Variants in ZNF644 observed in about 807,000 individuals in gnomAD.
ZNF644 encodes zinc finger protein 644.
ZNF644 carries 20 observed loss-of-function variants against 108.0 expected under a neutral mutation model. The observed-to-expected ratio is 0.19, with a 90% confidence interval of 0.13 to 0.27. The LOEUF (loss-of-function observed/expected upper bound fraction) is 0.27, where lower values mean the gene tolerates loss of function less well. Ranked by LOEUF, ZNF644 falls within the 10% of genes least tolerant of loss-of-function variation. ZNF644 has a pLI of 1.00. For synonymous variants in ZNF644, 542 were observed against 539.1 expected (o/e 1.01, Z -0.08); for missense variants, 1,338 against 1,548.9 (o/e 0.86, Z 2.29).
intron 1 of ZNF644, among the ~76,000 whole-genome samples, chr1:91,011,387 ATTC>A (rs1659948705): frequency 6.6e-6 from 1 of 152,208 alleles, no homozygotes; most frequent in Non-Finnish European, 1.5e-5. Context: ...TTACATATTC[ATTC>A]TTCAAAACCA....
chr1:90,985,484 T>A (rs1657002554), intron 1 of ZNF644, among the ~76,000 whole-genome samples: 2 of 152,184 alleles, frequency 1.3e-5, no homozygotes, highest in South Asian at 4.1e-4. Context: ...CAGCCTCAGG[T>A]AAACACCATT....
chr1:90,983,464 A>C (rs192601054), intron 1 of ZNF644, among the ~76,000 whole-genome samples: 7 of 151,214 alleles, frequency 4.6e-5, no homozygotes, highest in South Asian at 2.1e-4. Context: ...GAAATCTGAC[A>C]ATGTTACCTC....
At chr1:90,934,254 G>A (rs1334649237) in intron 4 of ZNF644, among the ~76,000 whole-genome samples, 1 of 152,128 alleles carries the variant, frequency 6.6e-6, no homozygotes, top group African/African-American at 2.4e-5. Flanking sequence ...AGTTAAGGAA[G>A]AATGCAAAGA....
intron 1 of ZNF644, among the ~76,000 whole-genome samples, chr1:90,997,960 G>A (rs967465073): frequency 6.6e-6 from 1 of 152,226 alleles, no homozygotes; most frequent in Non-Finnish European, 1.5e-5. Flanking sequence ...TAGCACAGCA[G>A]TCTGAGATCG....
At chr1:90,965,374 T>C (rs1238441986) in intron 2 of ZNF644, among the ~76,000 whole-genome samples, 1 of 152,088 alleles carries the variant, frequency 6.6e-6, no homozygotes, top group African/African-American at 2.4e-5. Flanking sequence ...GGTATCCAAA[T>C]TTCTCCTTTT....
At chr1:90,944,626 G>A (rs1486233747) in intron 2 of ZNF644, among the ~76,000 whole-genome samples, 2 of 151,086 alleles carry the variant, frequency 1.3e-5, no homozygotes, top group East Asian at 3.9e-4. Context: ...ATTCTGATTA[G>A]ATACAACCTT....
intron 2 of ZNF644, among the ~76,000 whole-genome samples, chr1:90,944,001 T>G (rs1259058956): frequency 6.6e-6 from 1 of 152,178 alleles, no homozygotes; most frequent in Non-Finnish European, 1.5e-5. Flanking sequence ...ATCACAGAGG[T>G]GGACAAATAT....
intron 4 of ZNF644, among the ~76,000 whole-genome samples, chr1:90,927,804 C>G (rs1393282404): frequency 6.6e-6 from 1 of 151,838 alleles, no homozygotes; most frequent in African/African-American, 2.4e-5. Flanking sequence ...TCTCTCTCTG[C>G]CCTCCCTCTC....
chr1:90,958,654 A>AAAT (rs1429964715), intron 2 of ZNF644, among the ~76,000 whole-genome samples: 1 of 152,194 alleles, frequency 6.6e-6, no homozygotes, highest in Non-Finnish European at 1.5e-5. Context: ...AAGAGTCCAG[A>AAAT]AATAAGCCCA....
intron 1 of ZNF644, among the ~76,000 whole-genome samples, chr1:91,013,120 T>C (rs1660112287): frequency 1.3e-5 from 2 of 152,032 alleles, no homozygotes; most frequent in African/African-American, 4.8e-5. Context: ...GTCGCCCAGG[T>C]GGGGATGCAG....
chr1:91,007,735 T>C (rs549889215), intron 1 of ZNF644, among the ~76,000 whole-genome samples: 1 of 152,322 alleles, frequency 6.6e-6, no homozygotes, highest in South Asian at 2.1e-4. Flanking sequence ...TGCTTTTTCA[T>C]AGCATCCTTT....
Position 90,940,623 on chromosome 1 carries a change from A to C in ZNF644, c.731T>G (p.Ile244Ser). Residue 244 changes from isoleucine to serine, a missense_variant, in exon 3 of 6, where the codon ATT (isoleucine) becomes AGT (serine). Ile to Ser is a moderately radical substitution (Grantham distance 142). Around this residue, in one of 6 missense-constraint regions of ZNF644, gnomAD observed 464 missense variants for 457.9 expected, o/e 1.01. Coordinates refer to ENST00000337393, the MANE Select transcript of ZNF644 (RefSeq NM_201269.3). ...KDDCVNTVTG[I>S]SSGTDGFRSE... ...CCTAAATCCATCTGTACCTGAGGAA[A>C]TTCCCGTTACTGTATTGACACAATC... 1 of 1,613,986 alleles carries C rather than the reference A, an allele frequency of 6.2e-7. No homozygotes were observed. The highest frequency in any genetic ancestry group is 8.5e-7 in the Non-Finnish European group (1 of 1,179,962).
At chr1:90,932,413 T>C (rs985850280) in intron 4 of ZNF644, among the ~76,000 whole-genome samples, 7 of 152,222 alleles carry the variant, frequency 4.6e-5, no homozygotes, top group Non-Finnish European at 8.8e-5. Context: ...TATTCCTATC[T>C]ACTTTCCCTT....
intron 2 of ZNF644, among the ~76,000 whole-genome samples, chr1:90,954,107 A>C (rs1410729551): frequency 6.6e-6 from 1 of 152,134 alleles, no homozygotes; most frequent in Non-Finnish European, 1.5e-5. Flanking sequence ...ACAGCAATGA[A>C]GTTTGACACA....
intron 2 of ZNF644, among the ~76,000 whole-genome samples, chr1:90,977,340 G>GA (rs1173623781): frequency 2.0e-5 from 3 of 151,678 alleles, no homozygotes; most frequent in Non-Finnish European, 1.5e-5. Flanking sequence ...AGTATGAAGG[G>GA]AAAAAAAGGC....
intron 1 of ZNF644, chr1:91,020,381 T>C (rs1423587290): frequency 1.3e-5 from 2 of 152,156 alleles, no homozygotes; most frequent in Non-Finnish European, 2.9e-5. Flanking sequence ...CACAAAACAT[T>C]AGGTGTTTCA....
intron 1 of ZNF644, among the ~76,000 whole-genome samples, chr1:91,019,663 C>T (rs1380197309): frequency 1.3e-5 from 2 of 152,122 alleles, no homozygotes; most frequent in African/African-American, 2.4e-5. Flanking sequence ...CTCTGCCTTC[C>T]GGGTTCAAGT....
In ZNF644 at chr1:91,020,979, T is replaced by A. The variant is rs1290100933; in HGVS notation, c.-18+1011A>T. ...ACGTTTTTATATTCAAAGTCAATAT[T>A]CAAGAAAACTTTTCCACTAATGTTG... On this transcript the variant is annotated intron_variant, in intron 1 of 5. Transcript: ENST00000337393. The A allele has an allele frequency of 3.3e-5, 5 of 152,352 alleles. No homozygotes were observed. The East Asian group carries it at 9.6e-4, about 29-fold the overall frequency. The allele number at this position is 152,352 out of a possible 1,614,324, so 9.4% of individuals were successfully genotyped here.
chr1:90,988,329 T>C (rs1017481303), intron 1 of ZNF644, among the ~76,000 whole-genome samples: 10 of 152,134 alleles, frequency 6.6e-5, no homozygotes, highest in African/African-American at 1.9e-4. Flanking sequence ...ATTTAGGAAT[T>C]AACCAAGGAT....
Sources: gnomAD v4.1 joint callset for allele counts (sites outside exome capture counted in the v4.1 genomes callset) on GRCh38, gnomAD v4.1.1 for gene constraint, gnomAD v4.1.1 regional missense constraint, MANE v1.5 for transcripts, NCBI Gene and HGNC (gene_info 2026-07-23, HGNC 2026-07-21) for gene names.